The following LRP1B variants were observed in gnomAD, a reference collection of about 807,000 sequenced individuals.
LRP1B encodes low-density lipoprotein receptor-related protein 1B.
LRP1B carries 217 observed loss-of-function variants against 556.6 expected under a neutral mutation model. The ratio of observed to expected loss-of-function variants is 0.39; its 90% CI spans 0.35 to 0.44. The LOEUF is 0.44. Ranked by LOEUF, LRP1B falls within the 20% of genes least tolerant of loss-of-function variation. LRP1B has a pLI of 1.00. For synonymous variants in LRP1B, 2,047 were observed against 1,865.8 expected (o/e 1.10, Z -2.50); for missense variants, 5,053 against 5,620.8 (o/e 0.90, Z 3.23).
At chr2:141,799,793 T>C (rs1695943059) in intron 2 of LRP1B, among the ~76,000 whole-genome samples, 1 of 151,118 alleles carries the variant, frequency 6.6e-6, no homozygotes, top group African/African-American at 2.5e-5. Context: ...AACAATCTGT[T>C]TTTAAAGAGT....
At chr2:140,613,603 T>C (rs1185094925) in intron 41 of LRP1B, among the ~76,000 whole-genome samples, 1 of 151,362 alleles carries the variant, frequency 6.6e-6, no homozygotes, top group Admixed American at 6.6e-5. Flanking sequence ...TGGAGCCTAC[T>C]TCTCAACTAG....
chr2:140,906,083 G>A (rs1447618303), intron 22 of LRP1B, among the ~76,000 whole-genome samples: 1 of 152,018 alleles, frequency 6.6e-6, no homozygotes, highest in Admixed American at 6.6e-5. Flanking sequence ...TGTTTTCATT[G>A]TTCTAAGTCT....
At chr2:142,005,069 CTA>C (rs1702761701) in intron 1 of LRP1B, among the ~76,000 whole-genome samples, 3 of 147,602 alleles carry the variant, frequency 2.0e-5, no homozygotes, top group African/African-American at 4.9e-5. Context: ...TATATATACT[CTA>C]TATATTTAGT....
chr2:141,351,048 A>G (rs1688425972), intron 3 of LRP1B, among the ~76,000 whole-genome samples: 1 of 152,040 alleles, frequency 6.6e-6, no homozygotes, highest in African/African-American at 2.4e-5. Context: ...TAACGGGTAC[A>G]CTTACTTGTT....
At chr2:142,055,313 C>A (rs1704629235) in intron 1 of LRP1B, among the ~76,000 whole-genome samples, 1 of 152,012 alleles carries the variant, frequency 6.6e-6, no homozygotes, top group Non-Finnish European at 1.5e-5. Flanking sequence ...AAACAGGGAC[C>A]TGAACAATTT....
At position 141,247,213 on chromosome 2, in the gene LRP1B, G is replaced by A. The variant is rs746621765; in HGVS notation, c.592+13C>T. The A allele has an allele frequency of 2.5e-6, 4 of 1,613,036 alleles. No homozygotes were observed. The African/African-American group carries it at 5.3e-5, about 22-fold the overall frequency. ...AATTCTGGAAAGACAAAAAATAAAT[G>A]GTCATAACTTACCAATTTTAGCCTT... On this transcript the variant is annotated intron_variant, in intron 5 of 90. Coordinates refer to ENST00000389484, the MANE Select transcript of LRP1B (RefSeq NM_018557.3).
At chr2:141,711,726 C>G (rs927260657) in intron 2 of LRP1B, among the ~76,000 whole-genome samples, 1 of 152,114 alleles carries the variant, frequency 6.6e-6, no homozygotes, top group African/African-American at 2.4e-5. Flanking sequence ...GCACTAAAGT[C>G]CTACTCACAG....
intron 3 of LRP1B, among the ~76,000 whole-genome samples, chr2:141,291,855 C>T (rs1420627262): frequency 3.0e-5 from 3 of 99,316 alleles, no homozygotes; most frequent in African/African-American, 1.4e-4. Flanking sequence ...GACTCTGTCT[C>T]AAAAAAAAAA....
intron 1 of LRP1B, among the ~76,000 whole-genome samples, chr2:141,925,498 A>G (rs1700310652): frequency 6.6e-6 from 1 of 152,176 alleles, no homozygotes; most frequent in African/African-American, 2.4e-5. Context: ...AGGAATTCAT[A>G]AATCTATTTG....
chr2:141,265,460 C>A (rs183775268), intron 3 of LRP1B, among the ~76,000 whole-genome samples: 2 of 152,332 alleles, frequency 1.3e-5, no homozygotes, highest in African/African-American at 4.8e-5. Context: ...TGCGCTAGAA[C>A]TGTACCCTGC....
intron 42 of LRP1B, among the ~76,000 whole-genome samples, chr2:140,600,765 G>A (rs1440174873): frequency 1.5e-5 from 1 of 67,196 alleles, no homozygotes; most frequent in Non-Finnish European, 3.1e-5. Flanking sequence ...TTGTTCTTCG[G>A]GGTTTTTTTT....
chr2:140,534,266 A>G (rs1690850120), intron 46 of LRP1B, 126 bp from the exon 47 acceptor site: 1 of 892,708 alleles, frequency 1.1e-6, no homozygotes, highest in Non-Finnish European at 1.7e-6. Flanking sequence ...GTGCTGTGCC[A>G]TATAATAGCT....
chr2:140,497,982 A>C (rs1394171084), intron 55 of LRP1B, among the ~76,000 whole-genome samples: 1 of 151,894 alleles, frequency 6.6e-6, no homozygotes, highest in Non-Finnish European at 1.5e-5. Context: ...TCAATCTGTT[A>C]ATCTATTTTA....
chr2:141,196,723 T>C (rs112654272), intron 6 of LRP1B, among the ~76,000 whole-genome samples: 8 of 152,290 alleles, frequency 5.3e-5, no homozygotes, highest in East Asian at 1.9e-4. Flanking sequence ...CAGTTTTTTA[T>C]TGTTGCTGTT....
intron 3 of LRP1B, among the ~76,000 whole-genome samples, chr2:141,318,246 T>C (rs904447546): frequency 1.3e-5 from 2 of 152,164 alleles, no homozygotes; most frequent in Non-Finnish European, 2.9e-5. Context: ...TGTTTCTGTC[T>C]CAATCAAGCT....
chr2:140,618,717 G>A (rs1683343660), intron 41 of LRP1B, among the ~76,000 whole-genome samples: 1 of 152,058 alleles, frequency 6.6e-6, no homozygotes. Flanking sequence ...TAGCTGATGA[G>A]ATTGAGGTCA....
In LRP1B at chr2:140,832,163, T is replaced by C. The variant is rs754744654; in HGVS notation, c.5209+7828A>G. ...GATTTTTTTTTCAAAGAAGGACAGA[T>C]TGAAAATACAGGGTATTCACAGGAT... On this transcript the variant is annotated intron_variant, in intron 31 of 90. Transcript: ENST00000389484. Among the ~76,000 whole-genome samples the C allele has an allele frequency of 7.9e-5, 12 of 152,238 alleles. No homozygotes were observed. The East Asian group carries it at 1.5e-3, about 20-fold the overall frequency.
intron 2 of LRP1B, among the ~76,000 whole-genome samples, chr2:141,543,196 A>C (rs992753126): frequency 1.3e-5 from 2 of 152,038 alleles, no homozygotes; most frequent in African/African-American, 4.8e-5. Flanking sequence ...GTTTCACTGC[A>C]TACCCTCTTG....
chr2:141,926,174 TTAA>T (rs959234662), intron 1 of LRP1B, among the ~76,000 whole-genome samples: 1 of 152,176 alleles, frequency 6.6e-6, no homozygotes, highest in African/African-American at 2.4e-5. Context: ...ATGAAGAGTG[TTAA>T]TAAATGTAAA....
Sources: gnomAD v4.1 joint callset for allele counts (sites outside exome capture counted in the v4.1 genomes callset) on GRCh38, gnomAD v4.1.1 for gene constraint, MANE v1.5 for transcripts, NCBI Gene and HGNC (gene_info 2026-07-23, HGNC 2026-07-21) for gene names.